Variants in RGL1 observed in about 807,000 individuals in gnomAD.
RGL1 encodes ral guanine nucleotide dissociation stimulator like 1, also known as ral guanine nucleotide dissociation stimulator-like 1.
RGL1 carries 24 observed loss-of-function variants against 95.2 expected under a neutral mutation model. The observed-to-expected ratio is 0.25, with a 90% confidence interval of 0.18 to 0.35. The LOEUF is 0.35. Ranked by LOEUF, RGL1 falls within the 10% of genes least tolerant of loss-of-function variation. The pLI is 1.00. For missense variants in RGL1, 715 were observed against 936.3 expected, an observed-to-expected ratio of 0.76 and a Z score of 3.08; for synonymous variants, 329 against 344.9, an observed-to-expected ratio of 0.95 and a Z score of 0.51.
chr1:183,833,503 C>T (rs1328782200), intron 2 of RGL1, among the ~76,000 whole-genome samples: 3 of 152,068 alleles, frequency 2.0e-5, no homozygotes, highest in Non-Finnish European at 2.9e-5. Context: ...AGTTTCTGCC[C>T]AGCACTCCAG....
intron 2 of RGL1, among the ~76,000 whole-genome samples, chr1:183,763,178 G>C (rs1466197220): frequency 1.3e-5 from 2 of 152,152 alleles, no homozygotes; most frequent in Non-Finnish European, 2.9e-5. Flanking sequence ...TCATAAGTGG[G>C]AGCTGAACAA....
chr1:183,771,495 C>T (rs562754530), intron 2 of RGL1, among the ~76,000 whole-genome samples: 1 of 152,196 alleles, frequency 6.6e-6, no homozygotes, highest in Non-Finnish European at 1.5e-5. Context: ...TTGAAAACTC[C>T]GTATGTCAAG....
chr1:183,915,299 C>G (rs1668892969), intron 15 of RGL1, among the ~76,000 whole-genome samples: 1 of 152,174 alleles, frequency 6.6e-6, no homozygotes, highest in Non-Finnish European at 1.5e-5. Context: ...ATAGGATTAA[C>G]ATGGTATAAT....
intron 1 of RGL1, among the ~76,000 whole-genome samples, chr1:183,712,174 G>A (rs1358182734): frequency 6.6e-6 from 1 of 152,230 alleles, no homozygotes; most frequent in African/African-American, 2.4e-5. Flanking sequence ...GAACTGGCCT[G>A]GGAGGGCCCT....
chr1:183,884,907 A>C lies in RGL1; in HGVS notation c.920A>C (p.Lys307Thr). The stretch of plus-strand genomic sequence containing the variant: ...GAACTCAAAACTCAGCAGAGAGCCA[A>C]AATCATTGAGAAGTGGATCAACATC... ...GKELKTQQRAKIIEKWINIAH... is the reference protein window; with the variant it reads ...GKELKTQQRATIIEKWINIAH... The change falls in exon 7 of 18, where the codon AAA becomes ACA. Residue 307 changes from lysine (K) to threonine (T), a missense_variant. Lys to Thr is a moderately conservative substitution (Grantham distance 78, BLOSUM62 -1). Transcript: ENST00000360851. 1 of 1,614,126 alleles carries C rather than the reference A, an allele frequency of 6.2e-7. No homozygotes were observed. The highest frequency in any genetic ancestry group is 1.3e-5 in the African/African-American group (1 of 75,062).
At chr1:183,681,239 C>T (rs1418612574) in intron 1 of RGL1, among the ~76,000 whole-genome samples, 2 of 152,178 alleles carry the variant, frequency 1.3e-5, no homozygotes, top group African/African-American at 4.8e-5. Context: ...GAGAGGGCAT[C>T]CTTGTCTTGT....
intron 1 of RGL1, among the ~76,000 whole-genome samples, chr1:183,661,026 C>A (rs1237685328): frequency 6.6e-6 from 1 of 151,988 alleles, no homozygotes; most frequent in Non-Finnish European, 1.5e-5. Context: ...AAAGACAGAA[C>A]ATACCAGAAT....
chr1:183,786,352 T>C (rs572618892), intron 2 of RGL1, among the ~76,000 whole-genome samples: 1 of 152,328 alleles, frequency 6.6e-6, no homozygotes, highest in South Asian at 2.1e-4. Flanking sequence ...TACAGTGAAC[T>C]ATGCCACTGA....
intron 2 of RGL1, among the ~76,000 whole-genome samples, chr1:183,743,788 T>C (rs960237168): frequency 7.9e-5 from 12 of 152,190 alleles, no homozygotes; most frequent in Non-Finnish European, 1.6e-4. Context: ...AGTGGAAATA[T>C]ATAAATTCCT....
intron 2 of RGL1, among the ~76,000 whole-genome samples, chr1:183,842,332 C>CTT (rs5779189): frequency 4.8e-5 from 7 of 146,412 alleles, no homozygotes; most frequent in Admixed American, 6.8e-5. Flanking sequence ...ATTGAAGGGA[C>CTT]TTTTTTTTTT....
intron 3 of RGL1, among the ~76,000 whole-genome samples, chr1:183,856,276 TAC>T (rs1665137640): frequency 6.6e-6 from 1 of 151,860 alleles, no homozygotes; most frequent in Admixed American, 6.6e-5. Context: ...TTGGATGGGT[TAC>T]ACACACATAC....
chr1:183,833,014 G>A (rs1012535668), intron 2 of RGL1, among the ~76,000 whole-genome samples: 2 of 152,068 alleles, frequency 1.3e-5, no homozygotes, highest in African/African-American at 2.4e-5. Flanking sequence ...TCATAATACC[G>A]TCCCTTTTTG....
chr1:183,744,328 T>A (rs200870530), intron 2 of RGL1, among the ~76,000 whole-genome samples: 1 of 145,802 alleles, frequency 6.9e-6, no homozygotes, highest in Non-Finnish European at 1.5e-5. Context: ...TTTTTTTTTT[T>A]AAAGAAATAA....
chr1:183,687,397 C>T (rs1307189601), intron 1 of RGL1, among the ~76,000 whole-genome samples: 1 of 152,146 alleles, frequency 6.6e-6, no homozygotes, highest in African/African-American at 2.4e-5. Flanking sequence ...GAAAATTATT[C>T]CTTTGCTGGT....
chr1:183,708,898 G>A (rs539880910), intron 1 of RGL1, among the ~76,000 whole-genome samples: 200 of 152,272 alleles, frequency 1.3e-3, no homozygotes, highest in African/African-American at 4.8e-3. Flanking sequence ...TCCAGATTTC[G>A]GCACCAGATG....
intron 1 of RGL1, among the ~76,000 whole-genome samples, chr1:183,669,801 A>G (rs915902606): frequency 4.4e-4 from 67 of 152,204 alleles, no homozygotes; most frequent in Admixed American, 4.1e-3. Flanking sequence ...CAGAAGGTGA[A>G]GGAGAAACAA....
intron 1 of RGL1, among the ~76,000 whole-genome samples, chr1:183,657,011 C>A (rs1387483341): frequency 8.2e-4 from 102 of 124,532 alleles, no homozygotes; most frequent in Non-Finnish European, 8.7e-4. Flanking sequence ...AAAATCGACT[C>A]AAAAAAAAAA....
chr1:183,732,797 T>C (rs916215038), intron 1 of RGL1, among the ~76,000 whole-genome samples: 5 of 152,184 alleles, frequency 3.3e-5, no homozygotes, highest in African/African-American at 1.2e-4. Context: ...TCTAATTGAG[T>C]AACCATTGAA....
intron 4 of RGL1, among the ~76,000 whole-genome samples, chr1:183,871,646 G>A (rs1666191159): frequency 6.6e-6 from 1 of 152,162 alleles, no homozygotes; most frequent in African/African-American, 2.4e-5. Flanking sequence ...TCCAAATATG[G>A]ATTTAAACCT....
Sources: gnomAD v4.1 joint callset for allele counts (sites outside exome capture counted in the v4.1 genomes callset) on GRCh38, gnomAD v4.1.1 for gene constraint, MANE v1.5 for transcripts, NCBI Gene and HGNC (gene_info 2026-07-23, HGNC 2026-07-21) for gene names.